RANBP3L: variants seen among roughly 807,000 people sequenced by gnomAD.
RANBP3L encodes RAN binding protein 3 like, also known as ran-binding protein 3-like.
A neutral mutation model predicts 67.2 loss-of-function variants in RANBP3L; 56 were observed. The observed-to-expected ratio is 0.83, with a 90% CI of 0.67 to 1.04. The LOEUF is 1.04. RANBP3L is among the 50% of genes least tolerant of loss of function. The probability of loss-of-function intolerance (pLI) is 0.00; values close to 1 mark genes in which losing one functional copy is unlikely to be tolerated. For missense variants in RANBP3L, 496 were observed against 535.5 expected (o/e 0.93, Z 0.73); for synonymous variants, 164 against 181.4 (o/e 0.90, Z 0.77).
At chr5:36,294,109 T>G (rs1023324913) in intron 1 of RANBP3L, among the ~76,000 whole-genome samples, 1 of 152,174 alleles carries the variant, frequency 6.6e-6, no homozygotes, top group Non-Finnish European at 1.5e-5. Flanking sequence ...GAGATTCAAC[T>G]TCTTCCTGGT....
intron 6 of RANBP3L, among the ~76,000 whole-genome samples, chr5:36,263,180 A>C (rs796927542): frequency 6.6e-5 from 10 of 152,204 alleles, no homozygotes; most frequent in African/African-American, 2.4e-4. Context: ...ATGGGCATTA[A>C]ATTTTCTTTT....
intron 1 of RANBP3L, among the ~76,000 whole-genome samples, chr5:36,276,622 C>T (rs1750589236): frequency 6.6e-6 from 1 of 151,960 alleles, no homozygotes; most frequent in Admixed American, 6.6e-5. Context: ...CTATATACCC[C>T]CCCTAATTTT....
chr5:36,270,010 C>G lies in RANBP3L; in HGVS notation c.151-20G>C, dbSNP rs776619036. Reference sequence around the variant, plus strand: ...AGGTCTCTGAAAGGAAACAAAACCACTGAGGAGAGCTGAGTATTTGCCTTT... The same window carrying G: ...AGGTCTCTGAAAGGAAACAAAACCAGTGAGGAGAGCTGAGTATTTGCCTTT... On this transcript the variant is annotated intron_variant, in intron 2 of 13. Coordinates refer to ENST00000296604, the MANE Select transcript of RANBP3L (RefSeq NM_145000.5). 3 of 1,605,932 alleles carry G rather than the reference C, an allele frequency of 1.9e-6. No homozygotes were observed. The highest frequency in any genetic ancestry group is 4.5e-5 in the East Asian group (2 of 44,816).
chr5:36,257,954 A>G (rs113983776), intron 8 of RANBP3L, among the ~76,000 whole-genome samples: 218 of 152,304 alleles, frequency 1.4e-3, no homozygotes, highest in African/African-American at 4.4e-3. Context: ...AATTCAATTT[A>G]ATATTACTTT....
intron 12 of RANBP3L, among the ~76,000 whole-genome samples, chr5:36,253,433 G>A (rs1426632594): frequency 1.3e-5 from 2 of 152,050 alleles, no homozygotes; most frequent in African/African-American, 4.8e-5. Context: ...TCACACAAAT[G>A]TCTTGGAATG....
chr5:36,261,733 A>G (rs941875586), intron 7 of RANBP3L, among the ~76,000 whole-genome samples: 8 of 152,184 alleles, frequency 5.3e-5, no homozygotes, highest in Non-Finnish European at 1.0e-4. Context: ...AACAATGAAG[A>G]CAATCCAGTA....
intron 1 of RANBP3L, among the ~76,000 whole-genome samples, chr5:36,284,589 C>G: frequency 6.6e-6 from 1 of 152,202 alleles, no homozygotes; most frequent in East Asian, 1.9e-4. Context: ...CATACTGCCT[C>G]TTTATTTTGT....
chr5:36,270,660 A>AATT lies in RANBP3L; in HGVS notation c.150+590_150+592dup, dbSNP rs554739906. Among the ~76,000 whole-genome samples, 12 of 152,090 alleles carry AATT rather than the reference A, an allele frequency of 7.9e-5. No individual in the cohort carries two copies. The South Asian group carries it at 2.5e-3, about 32-fold the overall frequency. ...CAGGCACATGCCACCATGCCTGACT[A>AATT]ATTTCTTTTTATTTTTTTGTAGAGA... On this transcript the variant is annotated intron_variant, in intron 2 of 13. Transcript: ENST00000296604.
chr5:36,257,127 G>C, intron 9 of RANBP3L, 56 bp from the exon 10 acceptor site: 1 of 1,488,180 alleles, frequency 6.7e-7, no homozygotes, highest in Non-Finnish European at 9.1e-7. Context: ...TACTGTGAAA[G>C]TTCTTTGTTG....
intron 1 of RANBP3L, among the ~76,000 whole-genome samples, chr5:36,300,563 G>A (rs1752543183): frequency 1.3e-5 from 2 of 152,246 alleles, no homozygotes; most frequent in Admixed American, 1.3e-4. Flanking sequence ...TTATTGAGGA[G>A]AAGTTAGAAG....
rs769576272 is a variant in RANBP3L at position 36,251,368 on chromosome 5, G to C, written c.1299C>G (p.Cys433Trp). Residue 433 changes from cysteine to tryptophan, a missense_variant, in exon 13 of 14, where the codon TGC (cysteine) becomes TGG (tryptophan). Physicochemically the swap from Cys to Trp is radical, Grantham distance 215 (BLOSUM62 -2). Coordinates refer to ENST00000296604, the MANE Select transcript of RANBP3L (RefSeq NM_145000.5). ...CATCCTCATTCTCATCACAGCTTTC[G>C]CAGTTCAATTGTTGGGCTGTTTCTG... ...SLSETAQQLN[C>W]ESCDENEDDF... The C allele has an allele frequency of 6.2e-7, 1 of 1,613,122 alleles. No homozygotes were observed. Among genetic ancestry groups the C allele is most frequent in the Non-Finnish European group, 8.5e-7 (1 of 1,179,478 alleles).
chr5:36,251,669 A>G (rs946036805), intron 12 of RANBP3L, among the ~76,000 whole-genome samples, 170 bp from the exon 13 acceptor site: 1 of 152,164 alleles, frequency 6.6e-6, no homozygotes, highest in African/African-American at 2.4e-5. Context: ...ATCTTGAACC[A>G]AATTGAATCC....
chr5:36,269,116 G>A (rs1203659048), intron 4 of RANBP3L, among the ~76,000 whole-genome samples: 1 of 152,164 alleles, frequency 6.6e-6, no homozygotes, highest in Non-Finnish European at 1.5e-5. Context: ...GGTACAGGGA[G>A]GAGACCAAAT....
At chr5:36,258,882 G>C (rs1749176483) in intron 8 of RANBP3L, among the ~76,000 whole-genome samples, 1 of 152,210 alleles carries the variant, frequency 6.6e-6, no homozygotes, top group Non-Finnish European at 1.5e-5. Context: ...CAGGCATTCT[G>C]AGCTAATTGG....
chr5:36,251,145 A>G (rs1300707248), intron 13 of RANBP3L, among the ~76,000 whole-genome samples, 168 bp downstream of exon 13: 1 of 152,128 alleles, frequency 6.6e-6, no homozygotes, highest in East Asian at 1.9e-4. Context: ...CACTTATAGA[A>G]GACAGTGATT....
rs1360109792 is a variant in RANBP3L, at chr5:36,269,485, G to C, written c.191-18C>G. ...ATTACATTCTGCAAGAAAAGCAATGGAAAGGCTAAAATTACTTGTGATAAT... is the reference window on the plus strand; with the variant it reads ...ATTACATTCTGCAAGAAAAGCAATGCAAAGGCTAAAATTACTTGTGATAAT... On this transcript the variant is annotated intron_variant, in intron 3 of 13. Coordinates refer to ENST00000296604, the MANE Select transcript of RANBP3L (RefSeq NM_145000.5). 7.3e-7 allele frequency: 1 copy of C among 1,365,452 alleles called. No individual in the cohort carries two copies. Among genetic ancestry groups the C allele is most frequent in the Admixed American group, 1.7e-5 (1 of 59,228 alleles). 84.6% of individuals were successfully genotyped at this position (1,365,452 alleles called of 1,614,324 possible). A position where few individuals can be genotyped will look rare whatever the true frequency, so the allele number is the denominator to read the frequency against.
chr5:36,267,801 G>A (rs879671295), intron 4 of RANBP3L, among the ~76,000 whole-genome samples: 14 of 152,236 alleles, frequency 9.2e-5, no homozygotes, highest in East Asian at 5.8e-4. Context: ...AATTTTAATG[G>A]ATTTCTATGC....
At chr5:36,249,827 A>G (rs1748473928) in intron 13 of RANBP3L, 130 bp from the exon 14 acceptor site, 1 of 397,074 alleles carries the variant, frequency 2.5e-6, no homozygotes, top group South Asian at 9.2e-5. Context: ...TACAGAATAT[A>G]CATTTTTACA....
At chr5:36,285,207 C>A (rs1500224) in intron 1 of RANBP3L, among the ~76,000 whole-genome samples, 145,118 of 152,288 alleles carry the variant, frequency 0.95, 69,440 homozygotes, top group Non-Finnish European at 0.99. Context: ...GGGTATGAAT[C>A]CATTTTTCTG....
Sources: allele counts gnomAD v4.1 joint callset (sites outside exome capture counted in the v4.1 genomes callset), GRCh38; gene constraint gnomAD v4.1.1; transcripts MANE v1.5; gene names NCBI Gene and HGNC (gene_info 2026-07-23, HGNC 2026-07-21).